Variants in CCDC93 observed in about 807,000 individuals in gnomAD.
CCDC93 encodes the protein CCC complex scaffolding subunit CCDC93.
Under a neutral mutation model 108.2 loss-of-function variants are expected in CCDC93, and 61 were observed. That is an observed-to-expected ratio of 0.56 (90% CI 0.46 to 0.70). CCDC93 has a LOEUF of 0.70. Among genes scored for constraint, CCDC93 ranks in the 30% least tolerant of loss-of-function variants. CCDC93 has a pLI of 0.00. For missense variants in CCDC93, 685 were observed against 764.2 expected (o/e 0.90, Z 1.22); for synonymous variants, 276 against 260.4 (o/e 1.06, Z -0.58).
intron 1 of CCDC93, chr2:118,008,939 T>G: frequency 3.4e-6 from 1 of 291,330 alleles, no homozygotes. Context: ...GCTGAAGGAA[T>G]CCAGGGAAAA....
At chr2:117,980,840 G>C (rs1464811905) in intron 7 of CCDC93, among the ~76,000 whole-genome samples, 1 of 152,178 alleles carries the variant, frequency 6.6e-6, no homozygotes, top group Admixed American at 6.5e-5. Context: ...GTTACTATTA[G>C]CAGTTAATCA....
intron 8 of CCDC93, 21 bp from the exon 9 acceptor site, chr2:117,975,301 A>C: frequency 6.4e-7 from 1 of 1,562,250 alleles, no homozygotes; most frequent in Non-Finnish European, 8.8e-7. Context: ...AGATGTGAAA[A>C]CAGCTGAGCA....
At chr2:117,922,148 T>C (rs1573454102) in intron 23 of CCDC93, among the ~76,000 whole-genome samples, 1 of 152,146 alleles carries the variant, frequency 6.6e-6, no homozygotes, top group Non-Finnish European at 1.5e-5. Flanking sequence ...GTTTAAACTG[T>C]CACCCACCTC....
At chr2:117,926,752 C>A (rs1249332986) in intron 23 of CCDC93, among the ~76,000 whole-genome samples, 1 of 152,124 alleles carries the variant, frequency 6.6e-6, no homozygotes, top group African/African-American at 2.4e-5. Context: ...ATAGAGAATC[C>A]TCCCTAACTC....
chr2:117,935,400 A>T, intron 22 of CCDC93, 95 bp downstream of exon 22: 2 of 844,242 alleles, frequency 2.4e-6, no homozygotes. Context: ...TTGAGGGCAC[A>T]CTCCCCAACT....
intron 9 of CCDC93, 131 bp downstream of exon 9, chr2:117,975,057 G>A: frequency 9.7e-7 from 1 of 1,026,946 alleles, no homozygotes; most frequent in South Asian, 1.4e-5. Context: ...GAAACTGGAA[G>A]GTGTGAAAGA....
intron 6 of CCDC93, among the ~76,000 whole-genome samples, chr2:117,993,727 GTGTTTT>G (rs1168532206): frequency 5.3e-5 from 8 of 152,022 alleles, no homozygotes; most frequent in South Asian, 2.1e-4. Flanking sequence ...AATCTTTGTT[GTGTTTT>G]TGTTTTTGTT....
chr2:117,935,633 G>A (rs1407185547), intron 21 of CCDC93, 54 bp from the exon 22 acceptor site: 3 of 1,295,330 alleles, frequency 2.3e-6, no homozygotes, highest in Non-Finnish European at 3.4e-6. Context: ...TGAGGCAGGG[G>A]GAAATGCCAA....
chr2:117,959,089 G>A (rs549672013), intron 11 of CCDC93, among the ~76,000 whole-genome samples: 28 of 152,286 alleles, frequency 1.8e-4, no homozygotes, highest in African/African-American at 6.5e-4. Flanking sequence ...GGTGGAGAAG[G>A]ATCCTCAGGA....
At chr2:117,950,539 CA>C in intron 13 of CCDC93, 1 of 985,392 alleles carries the variant, frequency 1.0e-6, no homozygotes, top group Non-Finnish European at 1.2e-6. Flanking sequence ...TGGAAAGACA[CA>C]AGTCCTCTCT....
At chr2:117,934,066 G>T (rs1678440959) in intron 22 of CCDC93, 1 of 152,246 alleles carries the variant, frequency 6.6e-6, no homozygotes, top group African/African-American at 2.4e-5. Context: ...GGAGAGTGAA[G>T]AGAGTGAAGG....
intron 11 of CCDC93, among the ~76,000 whole-genome samples, chr2:117,959,829 G>A (rs1367401373): frequency 2.6e-5 from 4 of 152,170 alleles, no homozygotes; most frequent in Non-Finnish European, 5.9e-5. Context: ...TAGGATTTCT[G>A]GGAATTGGAA....
chr2:117,986,027 C>T lies in CCDC93; in HGVS notation c.562G>A (p.Ala188Thr). ...GATTCTTCATCAAGTAGCTCCTCTG[C>T]TCCCTGGTGGCGTTTGTATTTCCGA... is the stretch of plus-strand genomic sequence containing the variant. The part of the protein sequence containing the change: ...PRRKYKRHQG[A>T]EELLDEESRI... The change falls in exon 7 of 24, where the codon GCA becomes ACA. Residue 188 changes from alanine (A) to threonine (T), a missense_variant. Transcript: ENST00000376300. 2 of 1,613,760 alleles carry T rather than the reference C, an allele frequency of 1.2e-6. No homozygotes were observed. Among genetic ancestry groups the T allele is most frequent in the Admixed American group, 1.7e-5 (1 of 60,008 alleles).
chr2:117,967,528 A>G (rs1345427474), intron 11 of CCDC93, among the ~76,000 whole-genome samples: 1 of 152,222 alleles, frequency 6.6e-6, no homozygotes, highest in African/African-American at 2.4e-5. Flanking sequence ...ATAGTGGGAC[A>G]GTCTAAGGAG....
intron 14 of CCDC93, among the ~76,000 whole-genome samples, chr2:117,948,808 G>T (rs1232024888): frequency 2.0e-5 from 3 of 152,188 alleles, no homozygotes; most frequent in Non-Finnish European, 2.9e-5. Context: ...AGCTAAAAAG[G>T]TCAAATGTTA....
intron 23 of CCDC93, among the ~76,000 whole-genome samples, chr2:117,925,792 C>A (rs1372872304): frequency 6.6e-6 from 1 of 152,170 alleles, no homozygotes; most frequent in Non-Finnish European, 1.5e-5. Context: ...CAGAACTCTC[C>A]ACCCCAAATC....
intron 14 of CCDC93, among the ~76,000 whole-genome samples, chr2:117,948,667 T>C (rs899299552): frequency 3.3e-5 from 5 of 152,254 alleles, no homozygotes; most frequent in African/African-American, 1.2e-4. Flanking sequence ...AGAGTCAAGT[T>C]ACCTGTGGGT....
At chr2:117,947,692 GCT>G (rs1491093866) in intron 15 of CCDC93, among the ~76,000 whole-genome samples, 1 of 115,820 alleles carries the variant, frequency 8.6e-6, no homozygotes, top group Non-Finnish European at 1.8e-5. Context: ...GGATGAATCT[GCT>G]TTTTTTTTTT....
intron 22 of CCDC93, 123 bp from the exon 23 acceptor site, chr2:117,931,273 A>G (rs1678318728): frequency 1.5e-6 from 1 of 645,754 alleles, no homozygotes; most frequent in African/African-American, 1.8e-5. Context: ...AGGAAGCTTC[A>G]ATATATAATT....
Sources: gnomAD v4.1 joint callset for allele counts (sites outside exome capture counted in the v4.1 genomes callset) on GRCh38, gnomAD v4.1.1 for gene constraint, MANE v1.5 for transcripts, NCBI Gene and HGNC (gene_info 2026-07-23, HGNC 2026-07-21) for gene names.